PCDHA12: variants seen among roughly 807,000 people sequenced by gnomAD.
PCDHA12 encodes the protein protocadherin alpha-12.
PCDHA12 carries 44 observed loss-of-function variants against 60.0 expected under a neutral mutation model. The observed-to-expected ratio is 0.73, with a 90% CI of 0.58 to 0.94. The LOEUF (loss-of-function observed/expected upper bound fraction) is 0.94. PCDHA12 is among the 40% of genes least tolerant of loss of function. The pLI, the probability that PCDHA12 is intolerant of heterozygous loss-of-function variation, is 0.00. For missense variants in PCDHA12, 1,276 were observed against 1,239.7 expected, an observed-to-expected ratio of 1.03 and a Z score of -0.44; for synonymous variants, 569 against 553.0, an observed-to-expected ratio of 1.03 and a Z score of -0.40.
In PCDHA12 at chr5:140,876,527, T is replaced by C. The variant is rs2056400042; in HGVS notation, c.1055T>C (p.Val352Ala). 10 of 1,614,112 alleles carry C rather than the reference T, an allele frequency of 6.2e-6. No homozygotes were observed. Among genetic ancestry groups the C allele is most frequent in the Non-Finnish European group, 7.6e-6 (9 of 1,179,994 alleles). ...AATGACAATGTCCCTGAAGTAATGG[T>C]TACTTCACTGTCGCTCCCTGTGCAA... ...DVNDNVPEVM[V>A]TSLSLPVQED... is the part of the protein sequence containing the mutation. The change falls in exon 1 of 4, where the codon GTT becomes GCT. Residue 352 changes from valine (V) to alanine (A), a missense_variant. Coordinates refer to ENST00000398631, the MANE Select transcript of PCDHA12 (RefSeq NM_018903.4).
chr5:140,983,801 T>G (rs1386165689), intron 3 of PCDHA12, among the ~76,000 whole-genome samples: 1 of 152,214 alleles, frequency 6.6e-6, no homozygotes, highest in Non-Finnish European at 1.5e-5. Context: ...AATGTGTGTG[T>G]AAAAGGTTTT....
intron 1 of PCDHA12, among the ~76,000 whole-genome samples, chr5:140,962,176 C>T (rs1554225858): frequency 6.6e-6 from 1 of 152,104 alleles, no homozygotes; most frequent in Admixed American, 6.6e-5. Flanking sequence ...CACCCGGCCA[C>T]TTATATCACT....
At chr5:140,997,533 A>G (rs1247028089) in intron 3 of PCDHA12, among the ~76,000 whole-genome samples, 1 of 152,230 alleles carries the variant, frequency 6.6e-6, no homozygotes, top group Non-Finnish European at 1.5e-5. Context: ...CAATAAAAAT[A>G]CATTATTATA....
chr5:141,010,321 G>A lies in PCDHA12; in HGVS notation c.*384G>A. The A allele has an allele frequency of 1.3e-6, 2 of 1,541,244 alleles. No individual in the cohort carries two copies. Among genetic ancestry groups the A allele is most frequent in the South Asian group, 1.2e-5 (1 of 82,726 alleles). On this transcript the variant is annotated 3_prime_UTR_variant, in exon 4 of 4. Transcript: ENST00000398631. ...GGCTGAAAAGTTTTGAGATTGAGCA[G>A]CTTGGGAGTTTGTGGCCACTGGGTA...
At chr5:140,882,556 T>A (rs367760301) in intron 1 of PCDHA12, 11 of 1,614,194 alleles carry the variant, frequency 6.8e-6, no homozygotes, top group Non-Finnish European at 9.3e-6. Flanking sequence ...AGGAGCTGTG[T>A]GGGCGGAGCG....
intron 2 of PCDHA12, among the ~76,000 whole-genome samples, chr5:140,979,404 C>T (rs2096848893): frequency 6.6e-6 from 1 of 151,980 alleles, no homozygotes; most frequent in Non-Finnish European, 1.5e-5. Context: ...ATGTTGTCTA[C>T]CTTGTTTTTT....
intron 1 of PCDHA12, among the ~76,000 whole-genome samples, chr5:140,921,992 C>A (rs963694302): frequency 6.6e-6 from 1 of 151,842 alleles, no homozygotes; most frequent in South Asian, 2.1e-4. Context: ...AAAAAGAGTT[C>A]AATGAAATGA....
chr5:140,990,956 G>T (rs1179435982), intron 3 of PCDHA12, among the ~76,000 whole-genome samples: 1 of 152,136 alleles, frequency 6.6e-6, no homozygotes, highest in Non-Finnish European at 1.5e-5. Context: ...TGTAGAAATA[G>T]TCTCTTAGAA....
chr5:140,928,552 G>A lies in PCDHA12; in HGVS notation c.2368-50397G>A, dbSNP rs145928329. On this transcript the variant is annotated intron_variant, in intron 1 of 3. Coordinates refer to ENST00000398631, the MANE Select transcript of PCDHA12 (RefSeq NM_018903.4). ...GGTAGATAGGAATGACAATTATCCGGTTATCTTGTTTCCCTTGCCCAGAAA... is the reference window on the plus strand; with the variant it reads ...GGTAGATAGGAATGACAATTATCCGATTATCTTGTTTCCCTTGCCCAGAAA... The A allele has an allele frequency of 6.7e-4, 1,075 of 1,614,218 alleles. 1 individual carries two copies. Among genetic ancestry groups the A allele is most frequent in the Non-Finnish European group, 8.6e-4 (1,013 of 1,180,042 alleles).
intron 1 of PCDHA12, among the ~76,000 whole-genome samples, chr5:140,924,901 A>AAAT (rs1554202313): frequency 5.5e-4 from 44 of 80,500 alleles, no homozygotes; most frequent in Non-Finnish European, 9.1e-4. Flanking sequence ...TCTCAAAAAA[A>AAAT]AAAATAAAAT....
At chr5:140,938,209 G>A (rs1210350140) in intron 1 of PCDHA12, among the ~76,000 whole-genome samples, 3 of 152,160 alleles carry the variant, frequency 2.0e-5, no homozygotes, top group Admixed American at 6.5e-5. Flanking sequence ...GCCTCCCAAA[G>A]TGCTGGGATT....
rs116346509 is a variant in PCDHA12 at position 140,904,582 on chromosome 5, G to A, written c.2367+26743G>A. ...TTTTTTTCCTCTGGGTAGACACCCA[G>A]TAGTGGGACTGCTGGATCAAATAGT... On this transcript the variant is annotated intron_variant, in intron 1 of 3. Transcript: ENST00000398631. Among the ~76,000 whole-genome samples, 650 of 152,092 alleles carry A rather than the reference G, an allele frequency of 4.3e-3. 5 individuals are homozygous for A. The highest frequency in any genetic ancestry group is 5.5e-3 in the Non-Finnish European group (373 of 67,986).
chr5:140,939,246 C>A (rs536477969), intron 1 of PCDHA12, among the ~76,000 whole-genome samples: 1 of 152,112 alleles, frequency 6.6e-6, no homozygotes, highest in South Asian at 2.1e-4. Context: ...AGCAAGGTAG[C>A]TCTCTGGAAC....
At position 140,876,310 on chromosome 5, in the gene PCDHA12, G is replaced by C. The variant is rs1167952130; in HGVS notation, c.838G>C (p.Gly280Arg). ...AGGACTTAATGGAGAAATTTCCTAT[G>C]GGATCAAAATGATTTTGCCAGTGAG... ...DEGLNGEISY[G>R]IKMILPVSEK... Residue 280 changes from glycine to arginine, a missense_variant, in exon 1 of 4, where the codon GGG becomes CGG. Physicochemically the swap from Gly to Arg is moderately radical, Grantham distance 125. Coordinates refer to ENST00000398631, the MANE Select transcript of PCDHA12 (RefSeq NM_018903.4). The C allele has an allele frequency of 1.2e-6, 2 of 1,613,982 alleles. No homozygotes were observed. The highest frequency in any genetic ancestry group is 1.7e-6 in the Non-Finnish European group (2 of 1,179,870).
At chr5:140,940,705 C>T (rs2092669255) in intron 1 of PCDHA12, among the ~76,000 whole-genome samples, 1 of 152,170 alleles carries the variant, frequency 6.6e-6, no homozygotes, top group Non-Finnish European at 1.5e-5. Context: ...AAGTGTATAC[C>T]TGCTGTGTGC....
chr5:140,887,197 C>T (rs1348316837), intron 1 of PCDHA12, among the ~76,000 whole-genome samples: 1 of 151,678 alleles, frequency 6.6e-6, no homozygotes, highest in Non-Finnish European at 1.5e-5. Flanking sequence ...CCCGGGTTCA[C>T]GCCATTCTCC....
At chr5:140,989,744 T>C (rs1354218140) in intron 3 of PCDHA12, among the ~76,000 whole-genome samples, 1 of 152,200 alleles carries the variant, frequency 6.6e-6, no homozygotes, top group Non-Finnish European at 1.5e-5. Context: ...CATTGCCTAA[T>C]CTGGAGAAAC....
intron 1 of PCDHA12, among the ~76,000 whole-genome samples, chr5:140,948,814 A>G (rs1284322137): frequency 1.3e-5 from 2 of 151,134 alleles, no homozygotes; most frequent in African/African-American, 4.8e-5. Context: ...TTTGGTTTCT[A>G]TTTCATTAAT....
At chr5:140,998,721 C>T (rs987484967) in intron 3 of PCDHA12, among the ~76,000 whole-genome samples, 3 of 152,084 alleles carry the variant, frequency 2.0e-5, no homozygotes, top group Non-Finnish European at 2.9e-5. Context: ...TGCACCACCA[C>T]GCTAGGCTAA....
Sources: gnomAD v4.1 joint callset for allele counts (sites outside exome capture counted in the v4.1 genomes callset) on GRCh38, gnomAD v4.1.1 for gene constraint, MANE v1.5 for transcripts, NCBI Gene and HGNC (gene_info 2026-07-23, HGNC 2026-07-21) for gene names.